TAMM41: variants seen among roughly 807,000 people sequenced by gnomAD.
The protein encoded by TAMM41 is TAM41 mitochondrial translocator assembly and maintenance homolog.
A neutral mutation model predicts 44.1 loss-of-function variants in TAMM41; 36 were observed. The observed-to-expected ratio is 0.82, with a 90% confidence interval of 0.63 to 1.08. The LOEUF is 1.08. Ranked by LOEUF, TAMM41 falls within the 50% of genes least tolerant of loss-of-function variation. TAMM41 has a pLI of 0.00. For missense variants in TAMM41, 417 were observed against 404.3 expected (o/e 1.03, Z -0.27); for synonymous variants, 164 against 153.1 (o/e 1.07, Z -0.53).
chr3:11,734,878 C>CA, the TAMM41 span, among the ~76,000 whole-genome samples: 2,795 of 73,240 alleles, frequency 0.038, 117 homozygotes, highest in African/African-American at 0.11. Flanking sequence ...TACTAAAATA[C>CA]AAAAAAAAAA....
the TAMM41 span, among the ~76,000 whole-genome samples, chr3:11,756,358 A>C: frequency 0.17 from 26,110 of 152,206 alleles, 2,814 homozygotes; most frequent in South Asian, 0.28. Flanking sequence ...GGCCATGCAG[A>C]GGAATAGGCA....
At chr3:11,809,905 T>C in intron 5 of TAMM41, 1 of 407,190 alleles carries the variant, frequency 2.5e-6, no homozygotes, top group Non-Finnish European at 4.3e-6. Flanking sequence ...TAATATTCCA[T>C]TTCTACCTGA....
the TAMM41 span, among the ~76,000 whole-genome samples, chr3:11,754,824 G>A: frequency 1.3e-5 from 2 of 149,150 alleles, no homozygotes; most frequent in African/African-American, 2.5e-5. Context: ...TCAGCCTGCC[G>A]AGTAAGTGGG....
At chr3:11,809,941 G>A (rs2078037143) in intron 5 of TAMM41, 2 of 335,946 alleles carry the variant, frequency 6.0e-6, no homozygotes, top group African/African-American at 4.3e-5. Flanking sequence ...CACTCTCAAG[G>A]ATCAATTTCT....
chr3:11,828,871 T>C (rs2078868946), intron 4 of TAMM41, among the ~76,000 whole-genome samples: 1 of 152,220 alleles, frequency 6.6e-6, no homozygotes, highest in African/African-American at 2.4e-5. Flanking sequence ...GCTTTTCCAA[T>C]GTTCTGAGCA....
chr3:11,750,079 G>A, the TAMM41 span, among the ~76,000 whole-genome samples: 1 of 151,578 alleles, frequency 6.6e-6, no homozygotes, highest in South Asian at 2.1e-4. Flanking sequence ...TGTATTTTTA[G>A]TAGAGATGGG....
chr3:11,730,884 G>T, the TAMM41 span, among the ~76,000 whole-genome samples: 1 of 152,212 alleles, frequency 6.6e-6, no homozygotes, highest in Admixed American at 6.5e-5. Context: ...GGGTTCGAAT[G>T]TGAGCACCAT....
At chr3:11,767,361 G>T in the TAMM41 span, among the ~76,000 whole-genome samples, 1 of 152,042 alleles carries the variant, frequency 6.6e-6, no homozygotes, top group Non-Finnish European at 1.5e-5. Context: ...GAGTCACCAG[G>T]TCCAGCCAGG....
chr3:11,771,349 C>G, the TAMM41 span: 2 of 152,262 alleles, frequency 1.3e-5, no homozygotes, highest in Non-Finnish European at 2.9e-5. Context: ...TTTAGAAAGG[C>G]CCTGGGTTTG....
the TAMM41 span, among the ~76,000 whole-genome samples, chr3:11,759,620 T>C: frequency 6.6e-6 from 1 of 152,048 alleles, no homozygotes; most frequent in Non-Finnish European, 1.5e-5. Context: ...CTACCCCAGT[T>C]CCTCCACCTT....
At chr3:11,762,089 C>A in the TAMM41 span, among the ~76,000 whole-genome samples, 4 of 152,074 alleles carry the variant, frequency 2.6e-5, no homozygotes, top group Admixed American at 6.6e-5. Context: ...TGAGTAAAAA[C>A]CCAATTCCTG....
At chr3:11,753,607 G>A in the TAMM41 span, among the ~76,000 whole-genome samples, 1 of 151,896 alleles carries the variant, frequency 6.6e-6, no homozygotes, top group East Asian at 1.9e-4. Context: ...CGTGGTGGCG[G>A]GCGCCTGTAG....
chr3:11,832,693 G>C (rs2079028799), intron 3 of TAMM41, among the ~76,000 whole-genome samples: 1 of 152,170 alleles, frequency 6.6e-6, no homozygotes, highest in African/African-American at 2.4e-5. Context: ...GATTCACCCA[G>C]TGCTCTTTCC....
the TAMM41 span, among the ~76,000 whole-genome samples, chr3:11,773,273 G>C: frequency 6.7e-6 from 1 of 149,880 alleles, no homozygotes; most frequent in Non-Finnish European, 1.5e-5. Flanking sequence ...AGGTCTTTTT[G>C]ATTCCAAAGC....
At chr3:11,820,337 C>A (rs1165316584) in intron 4 of TAMM41, among the ~76,000 whole-genome samples, 1 of 152,110 alleles carries the variant, frequency 6.6e-6, no homozygotes, top group Non-Finnish European at 1.5e-5. Context: ...CAAAAAGTTC[C>A]TCAATTTTAG....
chr3:11,806,752 G>GTAAAACAGA (rs771388495), intron 7 of TAMM41, among the ~76,000 whole-genome samples: 23 of 152,126 alleles, frequency 1.5e-4, no homozygotes, highest in Non-Finnish European at 1.9e-4. Flanking sequence ...TGAATTCCCG[G>GTAAAACAGA]TAAAACAGAT....
At chr3:11,731,861 T>C in the TAMM41 span, among the ~76,000 whole-genome samples, 10 of 146,568 alleles carry the variant, frequency 6.8e-5, no homozygotes, top group Non-Finnish European at 1.2e-4. Context: ...GTGAGGGGTC[T>C]CAATCTAATT....
At chr3:11,810,539 G>A (rs1293834700) in intron 5 of TAMM41, among the ~76,000 whole-genome samples, 1 of 152,138 alleles carries the variant, frequency 6.6e-6, no homozygotes, top group Non-Finnish European at 1.5e-5. Context: ...GCCAAGTGCA[G>A]AACCAGTAAC....
intron 4 of TAMM41, among the ~76,000 whole-genome samples, chr3:11,824,992 CA>C (rs2125014803): frequency 6.6e-6 from 1 of 152,182 alleles, no homozygotes; most frequent in Admixed American, 6.5e-5. Flanking sequence ...AGGTGTGACC[CA>C]GTGGGTCCTG....
Sources: allele counts gnomAD v4.1 joint callset (sites outside exome capture counted in the v4.1 genomes callset), GRCh38; gene constraint gnomAD v4.1.1; transcripts MANE v1.5; gene names NCBI Gene and HGNC (gene_info 2026-07-23, HGNC 2026-07-21).